The following CLIC5 variants were observed in gnomAD, a reference collection of about 807,000 sequenced individuals.
CLIC5 encodes the protein CLIC family member 5.
Under a neutral mutation model 24.7 loss-of-function variants are expected in CLIC5, and 20 were observed. That is an observed-to-expected ratio of 0.81 (90% CI 0.57 to 1.18). The LOEUF is 1.18. Among genes scored for constraint, CLIC5 ranks in the 50% most tolerant of loss-of-function variants. The probability of loss-of-function intolerance (pLI) is 0.00; values close to 1 mark genes in which losing one functional copy is unlikely to be tolerated. For missense variants in CLIC5, 341 were observed against 326.1 expected, an observed-to-expected ratio of 1.05 and a Z score of -0.35; for synonymous variants, 159 against 135.6, an observed-to-expected ratio of 1.17 and a Z score of -1.20.
At chr6:46,028,371 A>T (rs997114295) in intron 1 of CLIC5, among the ~76,000 whole-genome samples, 1 of 152,228 alleles carries the variant, frequency 6.6e-6, no homozygotes, top group Non-Finnish European at 1.5e-5. Context: ...GGTTGGAGTC[A>T]TTCACCACTG....
chr6:45,974,281 C>T (rs978556811), intron 1 of CLIC5, among the ~76,000 whole-genome samples: 1 of 151,794 alleles, frequency 6.6e-6, no homozygotes, highest in Non-Finnish European at 1.5e-5. Flanking sequence ...CTCTGCCTAT[C>T]AGTCAGAGTG....
upstream of CLIC5, among the ~76,000 whole-genome samples, chr6:46,017,096 C>T (rs935678943): frequency 2.2e-4 from 34 of 152,274 alleles, no homozygotes; most frequent in African/African-American, 7.2e-4. Flanking sequence ...GAATGCTCTC[C>T]TTGTGTAAAC....
chr6:46,045,051 C>T (rs866623598), intron 1 of CLIC5, among the ~76,000 whole-genome samples: 24 of 152,090 alleles, frequency 1.6e-4, no homozygotes, highest in African/African-American at 5.5e-4. Flanking sequence ...GTGAGTGGGC[C>T]GTAGTCCCCC....
intron 2 of CLIC5, among the ~76,000 whole-genome samples, chr6:45,951,629 T>C (rs1764470687): frequency 6.6e-6 from 1 of 152,110 alleles, no homozygotes; most frequent in Non-Finnish European, 1.5e-5. Flanking sequence ...AGGGGAGGGT[T>C]ACACTAAAAA....
intron 4 of CLIC5, among the ~76,000 whole-genome samples, chr6:45,941,264 A>G (rs1764120100): frequency 6.6e-6 from 1 of 152,222 alleles, no homozygotes; most frequent in Admixed American, 6.5e-5. Context: ...TATGCTGTGC[A>G]ATAAGGCAGG....
the CLIC5 span, chr6:46,102,618 T>A: frequency 1.3e-5 from 2 of 152,768 alleles, no homozygotes; most frequent in African/African-American, 4.8e-5. Context: ...AGCTTCAGTG[T>A]AATGTTTCCT....
chr6:46,059,653 C>T (rs188793960), intron 1 of CLIC5, among the ~76,000 whole-genome samples: 6 of 152,206 alleles, frequency 3.9e-5, no homozygotes, highest in Non-Finnish European at 5.9e-5. Context: ...CATTAATGTC[C>T]CATATTTTAG....
At chr6:45,996,859 T>C (rs1401748982) in intron 1 of CLIC5, among the ~76,000 whole-genome samples, 5 of 151,610 alleles carry the variant, frequency 3.3e-5, no homozygotes, top group Non-Finnish European at 7.4e-5. Context: ...AAACAACAGG[T>C]GCTGGAGAGG....
At chr6:45,974,518 TATATAGAGAGAGAGAGAGAG>T (rs1561976451) in intron 1 of CLIC5, among the ~76,000 whole-genome samples, 1 of 84,138 alleles carries the variant, frequency 1.2e-5, no homozygotes, top group Non-Finnish European at 2.3e-5. Flanking sequence ...TATATATATA[TATATAGAGAGAGAGAGAGAG>T]AGAGAGAGAG....
intron 4 of CLIC5, chr6:45,918,793 G>A (rs1011047640): frequency 1.6e-4 from 39 of 250,424 alleles, no homozygotes; most frequent in African/African-American, 8.8e-4. Context: ...CTTAGCACCA[G>A]CAAGGAAATA....
chr6:46,117,746 C>A, the CLIC5 span, among the ~76,000 whole-genome samples: 7 of 152,170 alleles, frequency 4.6e-5, no homozygotes, highest in East Asian at 1.2e-3. Flanking sequence ...CAGAGGTGAG[C>A]CACTTTAGCA....
intron 3 of CLIC5, among the ~76,000 whole-genome samples, chr6:45,948,028 T>C (rs549785514): frequency 6.6e-6 from 1 of 152,324 alleles, no homozygotes; most frequent in South Asian, 2.1e-4. Flanking sequence ...AGCAATTCAC[T>C]AGATGTGCAA....
At chr6:45,939,643 TA>T (rs1212973263) in intron 4 of CLIC5, among the ~76,000 whole-genome samples, 2 of 152,102 alleles carry the variant, frequency 1.3e-5, no homozygotes, top group African/African-American at 4.8e-5. Context: ...GACATACATT[TA>T]AAAAAATTTT....
intron 1 of CLIC5, among the ~76,000 whole-genome samples, chr6:46,069,292 G>T (rs1581917128): frequency 1.3e-5 from 2 of 152,004 alleles, no homozygotes; most frequent in Non-Finnish European, 2.9e-5. Flanking sequence ...AAAATCAGGG[G>T]AATGGCATGG....
intron 1 of CLIC5, among the ~76,000 whole-genome samples, chr6:45,982,101 C>A (rs566653831): frequency 6.6e-6 from 1 of 151,942 alleles, no homozygotes; most frequent in Non-Finnish European, 1.5e-5. Context: ...ATATGAGAAA[C>A]GGGAAATGTG....
At chr6:45,912,991 G>T (rs1450302604) in intron 5 of CLIC5, among the ~76,000 whole-genome samples, 1 of 152,228 alleles carries the variant, frequency 6.6e-6, no homozygotes, top group Non-Finnish European at 1.5e-5. Flanking sequence ...TACATGCTCT[G>T]GTTGGAGAGG....
At chr6:46,099,758 G>A in the CLIC5 span, among the ~76,000 whole-genome samples, 1 of 152,174 alleles carries the variant, frequency 6.6e-6, no homozygotes, top group Non-Finnish European at 1.5e-5. Flanking sequence ...AAGGGTGGAT[G>A]TGTGGATACA....
chr6:45,914,669 C>CA (rs1293022124), intron 4 of CLIC5: 2 of 489,372 alleles, frequency 4.1e-6, no homozygotes, highest in Non-Finnish European at 5.5e-6. Context: ...TATAGAAACA[C>CA]AGTCTGGGTG....
chr6:45,908,541 T>A (rs984312570), intron 5 of CLIC5, among the ~76,000 whole-genome samples: 1 of 152,232 alleles, frequency 6.6e-6, no homozygotes, highest in Non-Finnish European at 1.5e-5. Context: ...CCAAAAGTAA[T>A]TCAGGAGTGA....
Sources: gnomAD v4.1 joint callset for allele counts (sites outside exome capture counted in the v4.1 genomes callset) on GRCh38, gnomAD v4.1.1 for gene constraint, MANE v1.5 for transcripts, NCBI Gene and HGNC (gene_info 2026-07-23, HGNC 2026-07-21) for gene names.